MBD5: variants seen among roughly 807,000 people sequenced by gnomAD.
MBD5 encodes methyl-CpG-binding domain protein 5.
Under a neutral mutation model 117.3 loss-of-function variants are expected in MBD5, and 13 were observed. The observed-to-expected ratio is 0.11, with a 90% CI of 0.07 to 0.18. The LOEUF is 0.18. Among genes scored for constraint, MBD5 ranks in the 10% least tolerant of loss-of-function variants. MBD5 has a pLI of 1.00. For missense variants in MBD5, 1,879 were observed against 2,093.8 expected, an observed-to-expected ratio of 0.90 and a Z score of 2.00; for synonymous variants, 727 against 766.4, an observed-to-expected ratio of 0.95 and a Z score of 0.85.
intron 11 of MBD5, among the ~76,000 whole-genome samples, chr2:148,499,819 T>G (rs1375327098): frequency 6.6e-6 from 1 of 152,194 alleles, no homozygotes; most frequent in Non-Finnish European, 1.5e-5. Flanking sequence ...CGGGGGTATC[T>G]TTAAAGTTTC....
At chr2:148,116,531 T>C (rs1696645809) in intron 1 of MBD5, among the ~76,000 whole-genome samples, 1 of 152,220 alleles carries the variant, frequency 6.6e-6, no homozygotes, top group African/African-American at 2.4e-5. Context: ...TACCTCAGGA[T>C]GTGGAGGAAT....
intron 12 of MBD5, among the ~76,000 whole-genome samples, chr2:148,508,855 G>T (rs191568027): frequency 6.6e-6 from 1 of 152,278 alleles, no homozygotes; most frequent in East Asian, 1.9e-4. Flanking sequence ...TCTATGGTAT[G>T]TCTAGCACTA....
At chr2:148,477,722 C>G (rs1681015937) in intron 8 of MBD5, among the ~76,000 whole-genome samples, 1 of 152,022 alleles carries the variant, frequency 6.6e-6, no homozygotes, top group African/African-American at 2.4e-5. Context: ...TACATGCATC[C>G]ATTTTTATTA....
chr2:148,327,588 C>G (rs1003156127), intron 3 of MBD5, among the ~76,000 whole-genome samples: 24 of 151,730 alleles, frequency 1.6e-4, no homozygotes, highest in Non-Finnish European at 5.9e-5. Context: ...TCATTTCATT[C>G]ATTTCATCTT....
At chr2:148,175,352 C>T (rs1260676910) in intron 1 of MBD5, among the ~76,000 whole-genome samples, 6 of 152,132 alleles carry the variant, frequency 3.9e-5, no homozygotes, top group African/African-American at 1.4e-4. Flanking sequence ...ATTGACCATA[C>T]TTAATGGATC....
At chr2:148,029,739 G>A (rs13029038) in intron 1 of MBD5, among the ~76,000 whole-genome samples, 39,620 of 151,820 alleles carry the variant, frequency 0.26, 5,988 homozygotes, top group East Asian at 0.46. Context: ...ATGTTACATT[G>A]GTTTCTTTTT....
At chr2:148,458,092 A>G (rs1443956260) in intron 4 of MBD5, 111 bp from the exon 5 acceptor site, 3 of 392,620 alleles carry the variant, frequency 7.6e-6, no homozygotes, top group Non-Finnish European at 9.0e-6. Context: ...TTGATAGCAA[A>G]GGACATCAAT....
chr2:148,366,596 A>G (rs956843711), intron 4 of MBD5, among the ~76,000 whole-genome samples: 3 of 152,160 alleles, frequency 2.0e-5, no homozygotes, highest in African/African-American at 4.8e-5. Context: ...TCAGCCCAAA[A>G]TCTCCTTAGG....
At chr2:148,440,610 G>C (rs536669510) in intron 4 of MBD5, among the ~76,000 whole-genome samples, 46 of 152,096 alleles carry the variant, frequency 3.0e-4, no homozygotes, top group Non-Finnish European at 2.5e-4. Flanking sequence ...TATTTTGAAA[G>C]GAGAGAAAAA....
At chr2:148,145,310 C>T (rs936471806) in intron 1 of MBD5, among the ~76,000 whole-genome samples, 4 of 152,164 alleles carry the variant, frequency 2.6e-5, no homozygotes, top group Non-Finnish European at 4.4e-5. Context: ...TATCCTGAGA[C>T]TTTGCTGAAG....
intron 3 of MBD5, among the ~76,000 whole-genome samples, chr2:148,242,030 AG>A (rs1272229205): frequency 6.6e-6 from 1 of 152,152 alleles, no homozygotes; most frequent in African/African-American, 2.4e-5. Flanking sequence ...ACTTTGACCT[AG>A]GTTGGATTCC....
chr2:148,477,780 A>G (rs1681018335), intron 8 of MBD5, among the ~76,000 whole-genome samples: 1 of 152,198 alleles, frequency 6.6e-6, no homozygotes, highest in African/African-American at 2.4e-5. Flanking sequence ...TTACCAAAGC[A>G]AATGATAAAG....
chr2:148,388,365 C>A (rs1184308145), intron 4 of MBD5, among the ~76,000 whole-genome samples: 4 of 151,968 alleles, frequency 2.6e-5, no homozygotes, highest in Non-Finnish European at 4.4e-5. Context: ...ACAAATGTTA[C>A]TTTTGAACCA....
intron 4 of MBD5, among the ~76,000 whole-genome samples, chr2:148,452,382 C>T (rs1706754435): frequency 1.3e-5 from 2 of 152,110 alleles, no homozygotes; most frequent in South Asian, 2.1e-4. Context: ...CACCTGTGAT[C>T]GCAGCTATAC....
rs1455658188 is a variant in MBD5, at chr2:148,415,974, T to C, written c.-556-42229T>C. ...GCTCTATTTCTGTCATTTCAGCCAT[T>C]CAAGCCTGATTAAAAACCAGTTTTA... is the stretch of plus-strand genomic sequence containing the variant. On this transcript the variant is annotated intron_variant, in intron 4 of 13. Coordinates refer to ENST00000642680, the MANE Select transcript of MBD5 (RefSeq NM_001378120.1). Among the ~76,000 whole-genome samples, 4 of 152,292 alleles carry C rather than the reference T, an allele frequency of 2.6e-5. No homozygotes were observed. The South Asian group carries it at 6.2e-4, about 24-fold the overall frequency.
intron 4 of MBD5, among the ~76,000 whole-genome samples, chr2:148,455,628 G>T (rs1706856754): frequency 6.6e-6 from 1 of 151,944 alleles, no homozygotes; most frequent in South Asian, 2.1e-4. Context: ...TGGTATTTTT[G>T]ATTACTGAAA....
intron 2 of MBD5, among the ~76,000 whole-genome samples, chr2:148,207,702 A>AG (rs1432315979): frequency 6.6e-6 from 1 of 152,122 alleles, no homozygotes; most frequent in East Asian, 1.9e-4. Flanking sequence ...GAAAAAAAAA[A>AG]AAAAAGATGA....
intron 2 of MBD5, among the ~76,000 whole-genome samples, chr2:148,218,312 AT>A (rs994204631): frequency 6.6e-6 from 1 of 151,468 alleles, no homozygotes. Context: ...TACCTGAGAC[AT>A]TTTTTTTTCT....
intron 8 of MBD5, among the ~76,000 whole-genome samples, chr2:148,479,969 G>A (rs1000928805): frequency 7.2e-5 from 11 of 151,880 alleles, no homozygotes; most frequent in Admixed American, 7.2e-4. Context: ...ATATATTTGA[G>A]AGAAGAAAAA....
Sources: gnomAD v4.1 joint callset for allele counts (sites outside exome capture counted in the v4.1 genomes callset) on GRCh38, gnomAD v4.1.1 for gene constraint, MANE v1.5 for transcripts, NCBI Gene and HGNC (gene_info 2026-07-23, HGNC 2026-07-21) for gene names.